SGMS1: variants seen among roughly 807,000 people sequenced by gnomAD.
SGMS1 encodes the protein phosphatidylcholine:ceramide cholinephosphotransferase 1.
In SGMS1, 13 loss-of-function variants were observed where a neutral mutation model predicts 46.2. The observed-to-expected ratio is 0.28, with a 90% CI of 0.18 to 0.45. The LOEUF is 0.45. Among genes scored for constraint, SGMS1 ranks in the 20% least tolerant of loss-of-function variants. The pLI is 1.00. For synonymous variants in SGMS1, 203 were observed against 187.8 expected (o/e 1.08, Z -0.66); for missense variants, 324 against 519.9 (o/e 0.62, Z 3.66).
At chr10:50,346,789 C>T (rs1589397082) in intron 6 of SGMS1, among the ~76,000 whole-genome samples, 1 of 152,076 alleles carries the variant, frequency 6.6e-6, no homozygotes, top group Non-Finnish European at 1.5e-5. Context: ...CAATCTCTAT[C>T]TCCTGGGTGC....
intron 3 of SGMS1, among the ~76,000 whole-genome samples, chr10:50,497,876 G>GAAAT (rs1386145246): frequency 6.6e-6 from 1 of 152,118 alleles, no homozygotes; most frequent in Non-Finnish European, 1.5e-5. Flanking sequence ...GTGCCTAACT[G>GAAAT]AAATGCATGA....
At position 50,438,701 on chromosome 10, in the gene SGMS1, CAT is replaced by C. The variant is rs554013307; in HGVS notation, c.-312-5147_-312-5146del. Among the ~76,000 whole-genome samples the C allele has an allele frequency of 1.1e-3, 160 of 152,338 alleles. 1 individual carries two copies. The highest frequency in any genetic ancestry group is 3.7e-3 in the African/African-American group (153 of 41,574). The stretch of plus-strand genomic sequence containing the variant: ...GAAGTTCATGTCCCTGATGTCACCA[CAT>C]GTCCTTCTGAGAGAGGAGAGGGGAG... On this transcript the variant is annotated intron_variant, in intron 5 of 10. Coordinates refer to ENST00000361781, the MANE Select transcript of SGMS1 (RefSeq NM_147156.4).
upstream of SGMS1, chr10:50,624,172 G>A: frequency 2.0e-6 from 2 of 975,664 alleles, no homozygotes; most frequent in Non-Finnish European, 2.4e-6. Flanking sequence ...GAGGAGGCGG[G>A]CGCTTTCCCC....
intron 6 of SGMS1, among the ~76,000 whole-genome samples, chr10:50,361,578 C>T (rs558198764): frequency 6.6e-6 from 1 of 152,210 alleles, no homozygotes; most frequent in Non-Finnish European, 1.5e-5. Context: ...ATCTGGCCCA[C>T]GGGATTGCCC....
intron 1 of SGMS1, among the ~76,000 whole-genome samples, chr10:50,615,343 CATA>C (rs1415557716): frequency 6.6e-6 from 1 of 152,188 alleles, no homozygotes; most frequent in Non-Finnish European, 1.5e-5. Flanking sequence ...CAAAAGTTGT[CATA>C]ATAACAGCTA....
intron 9 of SGMS1, 140 bp downstream of exon 9, chr10:50,311,122 G>T: frequency 1.1e-6 from 1 of 947,620 alleles, no homozygotes; most frequent in Non-Finnish European, 1.6e-6. Flanking sequence ...CAGTTGCATG[G>T]CGATGAGATG....
intron 2 of SGMS1, among the ~76,000 whole-genome samples, chr10:50,530,733 C>T (rs953502697): frequency 5.3e-5 from 8 of 152,088 alleles, no homozygotes; most frequent in Non-Finnish European, 1.0e-4. Context: ...AATGCTCCCG[C>T]CTCGGCCTCT....
chr10:50,327,331 AG>A lies in SGMS1; in HGVS notation c.624-10del, dbSNP rs1847548130. ...TTCTGCTAATAATAGACCTAGAAAAAGGGAAAAACAGGGCAGATTCTCAGTC... is the reference window on the plus strand; with the variant it reads ...TTCTGCTAATAATAGACCTAGAAAAAGGAAAAACAGGGCAGATTCTCAGTC... On this transcript the variant is annotated splice_polypyrimidine_tract_variant and intron_variant, in intron 7 of 10. Transcript: ENST00000361781. The A allele has an allele frequency of 7.2e-6, 10 of 1,393,338 alleles. No individual in the cohort carries two copies. The highest frequency in any genetic ancestry group is 1.0e-5 in the Non-Finnish European group (10 of 983,846). The allele number at this position is 1,393,338 out of a possible 1,614,324, so 86.3% of individuals were successfully genotyped here. A position where few individuals can be genotyped will look rare whatever the true frequency, so the allele number is the denominator to read the frequency against.
intron 2 of SGMS1, among the ~76,000 whole-genome samples, chr10:50,537,591 T>C (rs1173989080): frequency 6.6e-6 from 1 of 151,912 alleles, no homozygotes; most frequent in African/African-American, 2.4e-5. Flanking sequence ...TATCTCTTAA[T>C]GCTATCCCTC....
At chr10:50,326,698 T>C (rs1411089376) in intron 8 of SGMS1, among the ~76,000 whole-genome samples, 1 of 152,144 alleles carries the variant, frequency 6.6e-6, no homozygotes, top group Non-Finnish European at 1.5e-5. Context: ...AAGTTTATTT[T>C]TAAAAAGACT....
At chr10:50,587,990 G>C (rs543235747) in intron 2 of SGMS1, among the ~76,000 whole-genome samples, 4 of 152,032 alleles carry the variant, frequency 2.6e-5, no homozygotes, top group African/African-American at 9.6e-5. Flanking sequence ...ATATCTCAGT[G>C]GTCTAGGACT....
At chr10:50,549,944 T>C (rs1214111466) in intron 2 of SGMS1, among the ~76,000 whole-genome samples, 1 of 152,176 alleles carries the variant, frequency 6.6e-6, no homozygotes, top group East Asian at 1.9e-4. Flanking sequence ...ACACCACAGC[T>C]ATTAAAAGCT....
intron 5 of SGMS1, among the ~76,000 whole-genome samples, chr10:50,436,685 C>T (rs1441375401): frequency 6.6e-6 from 1 of 152,144 alleles, no homozygotes; most frequent in African/African-American, 2.4e-5. Context: ...CACTCTAGGG[C>T]AAAGCTGAGC....
At position 50,410,278 on chromosome 10, in the gene SGMS1, G is replaced by A. The variant is rs943581950; in HGVS notation, c.-232+23198C>T. ...CTTGTGTTGCAAGTCAGATAGGAAA[G>A]GGCATTCAAGGTGAAGACAAGCAAA... On this transcript the variant is annotated intron_variant, in intron 6 of 10. Transcript: ENST00000361781. Among the ~76,000 whole-genome samples the A allele has an allele frequency of 2.3e-4, 35 of 152,148 alleles. 2 individuals carry two copies.
At chr10:50,613,925 C>T (rs1214004382) in intron 1 of SGMS1, among the ~76,000 whole-genome samples, 7 of 152,228 alleles carry the variant, frequency 4.6e-5, no homozygotes, top group South Asian at 2.1e-4. Flanking sequence ...TATGTGACCT[C>T]GTGGCAGCTG....
At position 50,306,964 on chromosome 10, in the gene SGMS1, A is replaced by G; in HGVS notation, c.*178T>C. 1.6e-6 allele frequency: 1 copy of G among 609,530 alleles called. No individual in the cohort carries two copies. Among genetic ancestry groups the G allele is most frequent in the African/African-American group, 1.8e-5 (1 of 54,358 alleles). The allele number at this position is 609,530 out of a possible 1,614,324, so 37.8% of individuals were successfully genotyped here. The stretch of plus-strand genomic sequence containing the variant: ...GTTAAATTTTTCTTTATTGTTGTCC[A>G]ACGCAGGTCCTTTGGAGAGAAAAAA... On this transcript the variant is annotated 3_prime_UTR_variant, in exon 11 of 11. Transcript: ENST00000361781.
intron 2 of SGMS1, among the ~76,000 whole-genome samples, chr10:50,582,022 G>A (rs16906309): frequency 0.033 from 5,016 of 152,344 alleles, 295 homozygotes; most frequent in African/African-American, 0.11. Context: ...AGCCTGTCCT[G>A]CAGTGAAGAA....
chr10:50,538,065 C>T lies in SGMS1; in HGVS notation c.-588-18144G>A, dbSNP rs570799516. On this transcript the variant is annotated intron_variant, in intron 2 of 10. Coordinates refer to ENST00000361781, the MANE Select transcript of SGMS1 (RefSeq NM_147156.4). ...GTTACAGTGAGCTATGATTATGCCACGGCACTCCAGCCTGGGCAACAGAGT... is the reference window on the plus strand; with the variant it reads ...GTTACAGTGAGCTATGATTATGCCATGGCACTCCAGCCTGGGCAACAGAGT... Among the ~76,000 whole-genome samples the T allele has an allele frequency of 2.6e-5, 4 of 151,814 alleles. No homozygotes were observed. The East Asian group carries it at 5.8e-4, about 22-fold the overall frequency.
At chr10:50,430,860 A>G (rs974452631) in intron 6 of SGMS1, among the ~76,000 whole-genome samples, 7 of 152,134 alleles carry the variant, frequency 4.6e-5, no homozygotes, top group Non-Finnish European at 1.0e-4. Flanking sequence ...GTATCGTCAA[A>G]AGCAACGAGT....
Sources: allele counts gnomAD v4.1 joint callset (sites outside exome capture counted in the v4.1 genomes callset), GRCh38; gene constraint gnomAD v4.1.1; transcripts MANE v1.5; gene names NCBI Gene and HGNC (gene_info 2026-07-23, HGNC 2026-07-21).